Variants in ATP6V1E2 observed in about 807,000 individuals in gnomAD.
ATP6V1E2 encodes V-type proton ATPase subunit E 2.
For synonymous variants in ATP6V1E2, 121 were observed against 104.2 expected (o/e 1.16, Z -0.98); for missense variants, 308 against 273.3 (o/e 1.13, Z -0.90).
At chr2:46,521,079 G>A (rs1288285509) in intron 4 of ATP6V1E2, among the ~76,000 whole-genome samples, 1 of 152,146 alleles carries the variant, frequency 6.6e-6, no homozygotes, top group Non-Finnish European at 1.5e-5. Flanking sequence ...CGTGGGAAAG[G>A]TCTTTATTTC....
intron 4 of ATP6V1E2, among the ~76,000 whole-genome samples, chr2:46,525,684 C>T (rs1362859723): frequency 3.9e-5 from 6 of 152,138 alleles, no homozygotes; most frequent in Non-Finnish European, 5.9e-5. Context: ...ACTCCACTCA[C>T]ACTGGCAAAG....
Position 46,530,693 on chromosome 2 carries a change from G to T in ATP6V1E2, c.-102+5120C>A, listed in dbSNP as rs1357484896. ...AACCAGGACTGGGTAATATATAAAG[G>T]AAAGAGGTTTCATTGACTCACAGTT... On this transcript the variant is annotated intron_variant, in intron 4 of 4. Coordinates refer to ENST00000522587, the MANE Select transcript of ATP6V1E2 (RefSeq NM_001318063.2). The surrounding 1 kb of genome is among the most constrained non-coding windows in gnomAD (Gnocchi z 5.2). 6.6e-6 allele frequency among the ~76,000 whole-genome samples: 1 copy of T among 152,160 alleles called. No homozygotes were observed. The highest frequency in any genetic ancestry group is 2.4e-5 in the African/African-American group (1 of 41,440).
At chr2:46,522,780 G>C (rs957017424) in intron 4 of ATP6V1E2, among the ~76,000 whole-genome samples, 1 of 152,176 alleles carries the variant, frequency 6.6e-6, no homozygotes, top group Non-Finnish European at 1.5e-5. Flanking sequence ...TGGGTCAAAT[G>C]CTATTTCTGG....
chr2:46,521,632 G>A (rs1666630748), intron 4 of ATP6V1E2, among the ~76,000 whole-genome samples: 1 of 152,046 alleles, frequency 6.6e-6, no homozygotes, highest in South Asian at 2.1e-4. Context: ...ACTCCTTTGG[G>A]GGATTTTAAA....
rs7584182 is a variant in ATP6V1E2 at position 46,524,750 on chromosome 2, G to A, written c.-102+11063C>T. On this transcript the variant is annotated intron_variant, in intron 4 of 4. Transcript: ENST00000522587. ...AGACACTGGATGGGGAGAACACTGC[G>A]GGCAAAGGCCTGCTGGTGGAAAGGG... Among the ~76,000 whole-genome samples the A allele has an allele frequency of 4.4e-3, 674 of 152,244 alleles. 7 individuals carry two copies. Among genetic ancestry groups the A allele is most frequent in the African/African-American group, 0.015 (641 of 41,542 alleles).
chr2:46,524,994 C>T (rs905421265), intron 4 of ATP6V1E2, among the ~76,000 whole-genome samples: 1 of 152,082 alleles, frequency 6.6e-6, no homozygotes, highest in Non-Finnish European at 1.5e-5. Flanking sequence ...GTGGTGGGGG[C>T]AGGAGTCTTG....
chr2:46,520,754 T>G (rs1666578743), intron 4 of ATP6V1E2, among the ~76,000 whole-genome samples: 1 of 152,254 alleles, frequency 6.6e-6, no homozygotes, highest in Non-Finnish European at 1.5e-5. Context: ...GGAAACTTCT[T>G]TGAAAATGAG....
chr2:46,533,169 AATGTT>A (rs1418443583), intron 4 of ATP6V1E2, among the ~76,000 whole-genome samples: 6 of 150,192 alleles, frequency 4.0e-5, no homozygotes, highest in East Asian at 3.9e-4. Context: ...CATTATATAT[AATGTT>A]ATATCATATA....
rs1351650617 is a variant in ATP6V1E2, at chr2:46,530,666, A to G, written c.-102+5147T>C. Among the ~76,000 whole-genome samples, 1 of 152,250 alleles carries G rather than the reference A, an allele frequency of 6.6e-6. No individual in the cohort carries two copies. The highest frequency in any genetic ancestry group is 2.4e-5 in the African/African-American group (1 of 41,466). ...TTGTTCTCACACTGCGAATAAAGAC[A>G]TAACCAGGACTGGGTAATATATAAA... On this transcript the variant is annotated intron_variant, in intron 4 of 4. Transcript: ENST00000522587. This position sits in a 1 kb window ranked among gnomAD's most constrained non-coding sequence, Gnocchi z 5.2.
intron 4 of ATP6V1E2, among the ~76,000 whole-genome samples, chr2:46,515,577 A>C (rs1245515114): frequency 6.6e-6 from 1 of 152,180 alleles, no homozygotes; most frequent in African/African-American, 2.4e-5. Context: ...GGAGTCAAAC[A>C]CAAGGAAGAT....
At chr2:46,518,806 G>GTGTGT (rs1666451200) in intron 4 of ATP6V1E2, 1 of 123,406 alleles carries the variant, frequency 8.1e-6, no homozygotes, top group Non-Finnish European at 1.7e-5. Context: ...GTGTGTGTGT[G>GTGTGT]TGTGTTTTAA....
In ATP6V1E2 at chr2:46,512,730, C is replaced by A. The variant is rs201744743; in HGVS notation, c.-19G>T. The A allele has an allele frequency of 1.9e-6, 3 of 1,593,590 alleles. No individual in the cohort carries two copies. In the East Asian group the frequency reaches 6.7e-5, roughly 36 times the overall value. On this transcript the variant is annotated 5_prime_UTR_variant, in exon 5 of 5. Coordinates refer to ENST00000522587, the MANE Select transcript of ATP6V1E2 (RefSeq NM_001318063.2). ...GGGCCATGGCTGCTCTCAGAGGGGA[C>A]GGCAGAGAGGGAGCTCGTACACCGT... is the stretch of plus-strand genomic sequence containing the variant.
rs35794315 is a variant in ATP6V1E2, at chr2:46,540,436, C to CAA, written c.-310+952_-310+953dup. ...AGAGAGACAGAGCAAGACCCTATCT[C>CAA]AAAAAAAAAAAAAAGAAAGAAAAAG... On this transcript the variant is annotated intron_variant, in intron 2 of 4. Transcript: ENST00000522587. Among the ~76,000 whole-genome samples, 250 of 124,796 alleles carry CAA rather than the reference C, an allele frequency of 2.0e-3. 11 individuals carry two copies. Among genetic ancestry groups the CAA allele is most frequent in the South Asian group, 6.8e-3 (26 of 3,814 alleles). The allele number at this position is 124,796 out of a possible 152,430, so 81.9% of individuals were successfully genotyped here.
intron 4 of ATP6V1E2, among the ~76,000 whole-genome samples, chr2:46,518,507 A>G (rs1666419037): frequency 6.6e-6 from 1 of 150,722 alleles, no homozygotes; most frequent in Admixed American, 6.6e-5. Context: ...ACACACACAC[A>G]CACACACACA....
intron 4 of ATP6V1E2, among the ~76,000 whole-genome samples, chr2:46,526,561 T>C (rs531005512): frequency 6.6e-6 from 1 of 152,348 alleles, no homozygotes; most frequent in Non-Finnish European, 1.5e-5. Flanking sequence ...CAAGTAACTG[T>C]TGGCAACCAC....
At chr2:46,523,699 A>C (rs907089546) in intron 4 of ATP6V1E2, among the ~76,000 whole-genome samples, 1 of 152,116 alleles carries the variant, frequency 6.6e-6, no homozygotes, top group Non-Finnish European at 1.5e-5. Context: ...GCTTAGGATT[A>C]TCTTGGCTAT....
intron 4 of ATP6V1E2, among the ~76,000 whole-genome samples, chr2:46,515,425 G>C (rs1687669078): frequency 6.6e-6 from 1 of 152,174 alleles, no homozygotes; most frequent in African/African-American, 2.4e-5. Context: ...TAATTCATCA[G>C]CTTAAAGTAG....
Position 46,512,045 on chromosome 2 carries a change from T to A in ATP6V1E2, c.667A>T (p.Lys223Ter). Residue 223 changes from lysine to a stop codon, truncating the protein, a stop_gained, in exon 5 of 5, where the codon AAG (lysine) becomes TAG (stop). Transcript: ENST00000522587. LOFTEE classifies it high-confidence loss of function. Reference protein sequence around the residue: ...MALFGANTNRKFFI With the variant: ...MALFGANTNR ...TTCCCAGAGGCTTATATAAAGAACT[T>A]TCTGTTGGTGTTAGCACCAAACAAG... is the stretch of plus-strand genomic sequence containing the variant. The A allele has an allele frequency of 6.3e-7, 1 of 1,594,258 alleles. No homozygotes were observed. Among genetic ancestry groups the A allele is most frequent in the South Asian group, 1.1e-5 (1 of 87,356 alleles).
At chr2:46,522,858 A>T (rs922730072) in intron 4 of ATP6V1E2, among the ~76,000 whole-genome samples, 1 of 152,188 alleles carries the variant, frequency 6.6e-6, no homozygotes, top group Non-Finnish European at 1.5e-5. Flanking sequence ...ATTCCCACCA[A>T]CAGTGTAAAA....
Sources: allele counts gnomAD v4.1 joint callset (sites outside exome capture counted in the v4.1 genomes callset), GRCh38; gene constraint gnomAD v4.1.1; non-coding constraint Gnocchi (gnomAD v3.1); transcripts MANE v1.5; gene names NCBI Gene and HGNC (gene_info 2026-07-23, HGNC 2026-07-21).